TRAPPC12: variants seen among roughly 807,000 people sequenced by gnomAD.
TRAPPC12 encodes TPR repeat protein 15.
A neutral mutation model predicts 69.2 loss-of-function variants in TRAPPC12; 61 were observed. The observed-to-expected ratio is 0.88, with a 90% CI of 0.72 to 1.09. TRAPPC12 has a LOEUF of 1.09. Among genes scored for constraint, TRAPPC12 ranks in the 50% least tolerant of loss-of-function variants. The probability of loss-of-function intolerance (pLI) is 0.00; values close to 1 mark genes in which losing one functional copy is unlikely to be tolerated. For synonymous variants in TRAPPC12, 469 were observed against 438.9 expected, an observed-to-expected ratio of 1.07 and a Z score of -0.86; for missense variants, 1,101 against 1,016.4, an observed-to-expected ratio of 1.08 and a Z score of -1.13.
At chr2:3,464,958 C>T (rs565213622) in intron 8 of TRAPPC12, among the ~76,000 whole-genome samples, 1 of 152,228 alleles carries the variant, frequency 6.6e-6, no homozygotes, top group Non-Finnish European at 1.5e-5. Context: ...AAACCAGATG[C>T]CCTGAGCACG....
At chr2:3,462,608 T>C (rs893586253) in intron 8 of TRAPPC12, among the ~76,000 whole-genome samples, 1 of 152,286 alleles carries the variant, frequency 6.6e-6, no homozygotes, top group Non-Finnish European at 1.5e-5. Flanking sequence ...ATGAAATGTA[T>C]TCATACGTTT....
chr2:3,476,415 C>T (rs572760736), intron 9 of TRAPPC12, among the ~76,000 whole-genome samples: 39 of 152,268 alleles, frequency 2.6e-4, no homozygotes, highest in Admixed American at 9.8e-4. Context: ...GGGTCTTCAC[C>T]GAGGGCCTCA....
chr2:3,416,313 A>G (rs1016809543), intron 3 of TRAPPC12, among the ~76,000 whole-genome samples: 3 of 152,132 alleles, frequency 2.0e-5, no homozygotes, highest in Non-Finnish European at 4.4e-5. Flanking sequence ...CCTCACAGGC[A>G]TTCGCACCGT....
chr2:3,434,989 C>T (rs1413449295), intron 5 of TRAPPC12, among the ~76,000 whole-genome samples: 1 of 152,182 alleles, frequency 6.6e-6, no homozygotes, highest in Non-Finnish European at 1.5e-5. Flanking sequence ...AACGAGGATG[C>T]CCAGAAGTTC....
chr2:3,433,186 A>G (rs1466646479), intron 5 of TRAPPC12, among the ~76,000 whole-genome samples: 5 of 152,194 alleles, frequency 3.3e-5, no homozygotes, highest in African/African-American at 1.2e-4. Flanking sequence ...AACCAAAGGC[A>G]TGGCTTATCC....
intron 9 of TRAPPC12, among the ~76,000 whole-genome samples, chr2:3,475,508 GCTC>G (rs746960076): frequency 1.4e-5 from 2 of 140,024 alleles, no homozygotes; most frequent in Non-Finnish European, 3.1e-5. Flanking sequence ...TTTTTCAGTT[GCTC>G]CTAACTTTTA....
At chr2:3,398,357 C>T (rs769841025) in intron 2 of TRAPPC12, among the ~76,000 whole-genome samples, 24 of 152,180 alleles carry the variant, frequency 1.6e-4, no homozygotes, top group Non-Finnish European at 2.6e-4. Context: ...AGTTGCTCCA[C>T]ATCCTTGAGT....
chr2:3,394,677 C>T (rs1386946925), intron 2 of TRAPPC12, among the ~76,000 whole-genome samples: 1 of 151,994 alleles, frequency 6.6e-6, no homozygotes, highest in African/African-American at 2.4e-5. Context: ...TGAGAGTCTC[C>T]TCCAGTGAGT....
chr2:3,384,049 C>T (rs1660378995), intron 1 of TRAPPC12, among the ~76,000 whole-genome samples: 1 of 151,946 alleles, frequency 6.6e-6, no homozygotes, highest in African/African-American at 2.4e-5. Flanking sequence ...GCGCCCTCCA[C>T]CACACCTGGC....
chr2:3,459,720 G>A (rs968387358), intron 7 of TRAPPC12, among the ~76,000 whole-genome samples: 4 of 152,242 alleles, frequency 2.6e-5, no homozygotes, highest in African/African-American at 9.6e-5. Flanking sequence ...GAATGTGCCA[G>A]CCACTTGAGT....
At chr2:3,415,323 T>C (rs1437310570) in intron 3 of TRAPPC12, among the ~76,000 whole-genome samples, 3 of 152,214 alleles carry the variant, frequency 2.0e-5, no homozygotes, top group Non-Finnish European at 4.4e-5. Flanking sequence ...TGCAGGCTAA[T>C]GTAAGTGTTG....
At chr2:3,409,954 A>C (rs1310298762) in intron 3 of TRAPPC12, among the ~76,000 whole-genome samples, 2 of 151,604 alleles carry the variant, frequency 1.3e-5, no homozygotes, top group Non-Finnish European at 2.9e-5. Context: ...TTTGCTCCCC[A>C]CTCCGTGTCC....
chr2:3,457,718 T>A, intron 7 of TRAPPC12, 25 bp downstream of exon 7: 1 of 1,606,972 alleles, frequency 6.2e-7, no homozygotes, highest in Non-Finnish European at 8.5e-7. Flanking sequence ...CTTTGCTGAC[T>A]AGATGCTTCT....
chr2:3,421,605 G>A (rs909709503), intron 3 of TRAPPC12: 7 of 660,726 alleles, frequency 1.1e-5, no homozygotes, highest in South Asian at 9.1e-5. Flanking sequence ...TCTTCCCGAT[G>A]TTCTATCGGT....
At chr2:3,468,908 C>A (rs1263548004) in intron 9 of TRAPPC12, among the ~76,000 whole-genome samples, 1 of 152,100 alleles carries the variant, frequency 6.6e-6, no homozygotes, top group Non-Finnish European at 1.5e-5. Flanking sequence ...GATGAGAGGT[C>A]AGTGGTGCAG....
In TRAPPC12 at chr2:3,422,081, A is replaced by C. The variant is rs576067232; in HGVS notation, c.1278+87A>C. 9.6e-5 allele frequency: 95 copies of C among 992,268 alleles called. No homozygotes were observed. In the East Asian group the frequency reaches 2.5e-3, roughly 26 times the overall value. 61.5% of individuals were successfully genotyped at this position (992,268 alleles called of 1,614,324 possible). A position where few individuals can be genotyped will look rare whatever the true frequency, so the allele number is the denominator to read the frequency against. Reference sequence around the variant, plus strand: ...AGGACCATGGCCTTTCATGCCAATAACAAAAAGTATGTTTTCATATCCTGC... The same window carrying C: ...AGGACCATGGCCTTTCATGCCAATACCAAAAAGTATGTTTTCATATCCTGC... On this transcript the variant is annotated intron_variant, in intron 4 of 11. Transcript: ENST00000324266.
chr2:3,397,513 T>A (rs1661203729), intron 2 of TRAPPC12, among the ~76,000 whole-genome samples: 1 of 152,210 alleles, frequency 6.6e-6, no homozygotes, highest in South Asian at 2.1e-4. Context: ...AGAGCTGCAC[T>A]CTCTGCACAT....
At chr2:3,428,875 T>G (rs1366450005) in intron 5 of TRAPPC12, among the ~76,000 whole-genome samples, 1 of 152,214 alleles carries the variant, frequency 6.6e-6, no homozygotes, top group Non-Finnish European at 1.5e-5. Flanking sequence ...TAGCACTGAC[T>G]CTGACCTGGG....
chr2:3,455,705 A>G (rs778167060), intron 6 of TRAPPC12: 1 of 152,220 alleles, frequency 6.6e-6, no homozygotes, highest in Admixed American at 6.5e-5. Context: ...ATGGCCGAAG[A>G]GTACTCCATC....
Sources: gnomAD v4.1 joint callset for allele counts (sites outside exome capture counted in the v4.1 genomes callset) on GRCh38, gnomAD v4.1.1 for gene constraint, MANE v1.5 for transcripts, NCBI Gene and HGNC (gene_info 2026-07-23, HGNC 2026-07-21) for gene names.